FAM78B: variants seen among roughly 807,000 people sequenced by gnomAD.
FAM78B encodes family with sequence similarity 78 member B, also known as protein FAM78B.
A neutral mutation model predicts 20.0 loss-of-function variants in FAM78B; 10 were observed. The observed-to-expected ratio is 0.50, with a 90% CI of 0.31 to 0.85. The LOEUF is 0.85. FAM78B is among the 40% of genes least tolerant of loss of function. The pLI is 0.05. For synonymous variants in FAM78B, 135 were observed against 132.8 expected (o/e 1.02, Z -0.12); for missense variants, 283 against 345.0 (o/e 0.82, Z 1.42).
At chr1:166,064,637 G>A (rs1046567535), downstream of FAM78B, among the ~76,000 whole-genome samples, 21 of 152,156 alleles carry the variant, frequency 1.4e-4, no homozygotes, top group African/African-American at 4.3e-4. Flanking sequence ...CTCTCCGCAG[G>A]GGCCAGGCCT....
chr1:166,163,800 C>T (rs1656250174), intron 1 of FAM78B, among the ~76,000 whole-genome samples: 1 of 152,212 alleles, frequency 6.6e-6, no homozygotes, highest in Non-Finnish European at 1.5e-5. Context: ...AACAGGTAGA[C>T]TGTGGACACA....
Position 166,161,046 on chromosome 1 carries a change from C to T in FAM78B, c.263+4940G>A, listed in dbSNP as rs536927614. Among the ~76,000 whole-genome samples the T allele has an allele frequency of 9.1e-4, 139 of 152,118 alleles. 1 individual carries two copies. Among genetic ancestry groups the T allele is most frequent in the African/African-American group, 3.3e-3 (137 of 41,496 alleles). ...GAGGAAGCACATTTCAGATGGAGAG[C>T]GGCATATGGAAACGTTCTGAGTTGG... is the stretch of plus-strand genomic sequence containing the variant. On this transcript the variant is annotated intron_variant, in intron 1 of 1. Transcript: ENST00000354422.
At chr1:166,081,523 C>G (rs950505916) in intron 1 of FAM78B, among the ~76,000 whole-genome samples, 3 of 152,206 alleles carry the variant, frequency 2.0e-5, no homozygotes, top group Admixed American at 2.0e-4. Flanking sequence ...TCTCTAATGC[C>G]TGCAGAGCGC....
At chr1:166,072,431 G>A (rs1270493057) in intron 1 of FAM78B, among the ~76,000 whole-genome samples, 1 of 152,226 alleles carries the variant, frequency 6.6e-6, no homozygotes, top group African/African-American at 2.4e-5. Flanking sequence ...ACCTGATGCA[G>A]AAAGTCAGAG....
At chr1:166,108,866 A>G (rs1237204328) in intron 1 of FAM78B, among the ~76,000 whole-genome samples, 2 of 152,196 alleles carry the variant, frequency 1.3e-5, no homozygotes, top group African/African-American at 4.8e-5. Flanking sequence ...AAATACTTAC[A>G]GCCAACTGAT....
At chr1:166,089,983 T>A (rs1218135778) in intron 1 of FAM78B, among the ~76,000 whole-genome samples, 2 of 152,208 alleles carry the variant, frequency 1.3e-5, no homozygotes, top group Non-Finnish European at 2.9e-5. Flanking sequence ...TTCGCCCTCC[T>A]GGCAGCAATT....
intron 1 of FAM78B, among the ~76,000 whole-genome samples, chr1:166,115,745 T>A (rs1243210314): frequency 6.6e-6 from 1 of 152,194 alleles, no homozygotes; most frequent in Non-Finnish European, 1.5e-5. Flanking sequence ...CCAGAGGAGA[T>A]GACACCAAAG....
intron 1 of FAM78B, among the ~76,000 whole-genome samples, chr1:166,111,031 C>G (rs1435527718): frequency 6.6e-6 from 1 of 152,188 alleles, no homozygotes; most frequent in Admixed American, 6.5e-5. Flanking sequence ...GAACTACCAT[C>G]TTGGATAACC....
chr1:166,066,816 G>C (rs1294281262), downstream of FAM78B, among the ~76,000 whole-genome samples: 1 of 152,186 alleles, frequency 6.6e-6, no homozygotes, highest in Non-Finnish European at 1.5e-5. Context: ...CAGAATGGGA[G>C]GTGGGTAGGG....
intron 1 of FAM78B, among the ~76,000 whole-genome samples, chr1:166,079,808 A>G (rs764423069): frequency 3.3e-5 from 5 of 152,148 alleles, no homozygotes; most frequent in Admixed American, 1.3e-4. Context: ...GAAATATGGC[A>G]CCCTGGCCTT....
At chr1:166,098,920 G>T (rs922426632) in intron 1 of FAM78B, among the ~76,000 whole-genome samples, 2 of 152,164 alleles carry the variant, frequency 1.3e-5, no homozygotes, top group African/African-American at 4.8e-5. Flanking sequence ...ATCACGAAAA[G>T]ATCTTTGCCT....
In FAM78B at chr1:166,109,834, A is replaced by G. The variant is rs1438066598; in HGVS notation, c.264-39071T>C. On this transcript the variant is annotated intron_variant, in intron 1 of 1. Transcript: ENST00000354422. Reference sequence around the variant, plus strand: ...TATATGTATATATATATATATATGTATATATGTATATATATATATATATAT... The same window carrying G: ...TATATGTATATATATATATATATGTGTATATGTATATATATATATATATAT... Among the ~76,000 whole-genome samples, 33 of 17,876 alleles carry G rather than the reference A, an allele frequency of 1.8e-3. 9 individuals are homozygous for G. The highest frequency in any genetic ancestry group is 3.2e-3 in the Non-Finnish European group (28 of 8,736). 11.7% of individuals were successfully genotyped at this position (17,876 alleles called of 152,430 possible).
chr1:166,087,860 T>C (rs574130493), intron 1 of FAM78B, among the ~76,000 whole-genome samples: 7 of 152,334 alleles, frequency 4.6e-5, no homozygotes, highest in African/African-American at 1.7e-4. Context: ...AAGATGACTC[T>C]GACCTGGCTA....
chr1:166,084,485 C>T (rs1652726870), intron 1 of FAM78B, among the ~76,000 whole-genome samples: 1 of 152,132 alleles, frequency 6.6e-6, no homozygotes, highest in South Asian at 2.1e-4. Flanking sequence ...GACCAAAGAC[C>T]TCAGTCCTTG....
chr1:166,065,659 C>T (rs1316468147), downstream of FAM78B, among the ~76,000 whole-genome samples: 2 of 152,172 alleles, frequency 1.3e-5, no homozygotes, highest in African/African-American at 4.8e-5. Context: ...TCCCCAGATG[C>T]CTTCCTGTCA....
chr1:166,082,396 G>A (rs1175692794), intron 1 of FAM78B, among the ~76,000 whole-genome samples: 2 of 152,078 alleles, frequency 1.3e-5, no homozygotes, highest in Non-Finnish European at 2.9e-5. Context: ...AATAGAGATG[G>A]GGTCTCACTA....
At chr1:166,126,988 G>A (rs1654668347) in intron 1 of FAM78B, among the ~76,000 whole-genome samples, 1 of 152,162 alleles carries the variant, frequency 6.6e-6, no homozygotes, top group Admixed American at 6.5e-5. Context: ...TTGTGATCTG[G>A]AAGGAATCCA....
intron 1 of FAM78B, among the ~76,000 whole-genome samples, chr1:166,146,490 C>T (rs766663704): frequency 6.6e-6 from 1 of 152,146 alleles, no homozygotes; most frequent in Admixed American, 6.6e-5. Flanking sequence ...TGGACAGAAA[C>T]TTGCTCTTGT....
intron 1 of FAM78B, among the ~76,000 whole-genome samples, chr1:166,147,446 G>A (rs1557917258): frequency 6.6e-6 from 1 of 152,224 alleles, no homozygotes; most frequent in Non-Finnish European, 1.5e-5. Flanking sequence ...GAACCCATAA[G>A]GATGCTTTAG....
Sources: allele counts gnomAD v4.1 joint callset (sites outside exome capture counted in the v4.1 genomes callset), GRCh38; gene constraint gnomAD v4.1.1; transcripts MANE v1.5; gene names NCBI Gene and HGNC (gene_info 2026-07-23, HGNC 2026-07-21).